The following MEGF11 variants were observed in gnomAD, a reference collection of about 807,000 sequenced individuals.
The protein encoded by MEGF11 is multiple epidermal growth factor-like domains protein 11.
MEGF11 carries 126 observed loss-of-function variants against 146.6 expected under a neutral mutation model. The observed-to-expected ratio is 0.86, with a 90% CI of 0.74 to 1.00. MEGF11 has a LOEUF of 1.00. MEGF11 is among the 50% of genes least tolerant of loss of function. The probability of loss-of-function intolerance (pLI) is 0.00; values close to 1 mark genes in which losing one functional copy is unlikely to be tolerated. For synonymous variants in MEGF11, 532 were observed against 583.4 expected, an observed-to-expected ratio of 0.91 and a Z score of 1.27; for missense variants, 1,509 against 1,521.2, an observed-to-expected ratio of 0.99 and a Z score of 0.13.
At chr15:66,153,434 A>G (rs952795550) in intron 1 of MEGF11, among the ~76,000 whole-genome samples, 1 of 152,122 alleles carries the variant, frequency 6.6e-6, no homozygotes, top group Non-Finnish European at 1.5e-5. Context: ...TTAGCCGGGC[A>G]TGGTGGTGGG....
intron 1 of MEGF11, among the ~76,000 whole-genome samples, chr15:66,200,939 C>T (rs951373033): frequency 6.6e-6 from 1 of 152,056 alleles, no homozygotes; most frequent in Non-Finnish European, 1.5e-5. Context: ...ACCCCTCAGC[C>T]CTCCCCACTG....
intron 5 of MEGF11, among the ~76,000 whole-genome samples, chr15:66,007,896 G>T (rs981951415): frequency 4.6e-5 from 7 of 152,212 alleles, no homozygotes; most frequent in African/African-American, 9.7e-5. Context: ...GTGGGCAAGG[G>T]TTGGGTATTG....
chr15:66,226,329 C>T (rs2091851847), intron 1 of MEGF11, among the ~76,000 whole-genome samples: 1 of 152,056 alleles, frequency 6.6e-6, no homozygotes, highest in Non-Finnish European at 1.5e-5. Flanking sequence ...CTCACTGCAA[C>T]CTCCACCTCC....
rs555361172 is a variant in MEGF11 at position 65,909,109 on chromosome 15, C to G, written c.2923G>C (p.Glu975Gln). Residue 975 changes from glutamate (E) to glutamine (Q), a missense_variant, in exon 23 of 26, where the codon GAG becomes CAG. By Grantham distance (29) the Glu-to-Gln change is conservative. Transcript: ENST00000395614. ...LDSHFQISAL[E>Q]ARYPPEDFYI... ...AAGTCCTCGGGCGGGTACCTGGCCT[C>G]CAGGGCACTGATCTGGAAATGGGAG... 1.6e-4 allele frequency: 244 copies of G among 1,535,606 alleles called. 2 individuals carry two copies. The African/African-American group carries it at 2.9e-3, about 18-fold the overall frequency.
At position 66,168,950 on chromosome 15, in the gene MEGF11, T is replaced by C. The variant is rs1374991872; in HGVS notation, c.-8-40539A>G. 3.3e-5 allele frequency among the ~76,000 whole-genome samples: 5 copies of C among 152,210 alleles called. No homozygotes were observed. The East Asian group carries it at 9.6e-4, about 29-fold the overall frequency. The stretch of plus-strand genomic sequence containing the variant: ...TTGCAGTGAGCCAGGATCGTGCCAT[T>C]GCACTCCAGCCTGGGTGACAGAGTG... On this transcript the variant is annotated intron_variant, in intron 1 of 25. Coordinates refer to ENST00000395614, the MANE Select transcript of MEGF11 (RefSeq NM_001385028.1).
intron 1 of MEGF11, among the ~76,000 whole-genome samples, chr15:66,169,782 G>C (rs1350828080): frequency 6.6e-6 from 1 of 152,208 alleles, no homozygotes; most frequent in Non-Finnish European, 1.5e-5. Flanking sequence ...GAGACGGCCA[G>C]CGCTGCTGGG....
intron 10 of MEGF11, among the ~76,000 whole-genome samples, chr15:65,947,439 A>G (rs2080240627): frequency 6.6e-6 from 1 of 152,180 alleles, no homozygotes; most frequent in African/African-American, 2.4e-5. Flanking sequence ...GTAAAGCTCC[A>G]ATGAAACAAG....
intron 5 of MEGF11, among the ~76,000 whole-genome samples, chr15:66,064,105 C>T (rs2085018336): frequency 6.6e-6 from 1 of 152,176 alleles, no homozygotes. Context: ...CGCAGTGGCT[C>T]ACACCTGTAA....
At chr15:65,914,314 A>T (rs1235213918) in intron 19 of MEGF11, among the ~76,000 whole-genome samples, 4 of 152,206 alleles carry the variant, frequency 2.6e-5, no homozygotes, top group African/African-American at 9.6e-5. Context: ...TGAAAAAACC[A>T]ATTTATCAAA....
intron 4 of MEGF11, among the ~76,000 whole-genome samples, chr15:66,094,920 A>C (rs970011238): frequency 6.6e-6 from 1 of 152,166 alleles, no homozygotes; most frequent in African/African-American, 2.4e-5. Context: ...AAAATGTATC[A>C]GCCTGCCTGA....
In MEGF11 at chr15:66,127,908, T is replaced by C. The variant is rs1029803792; in HGVS notation, c.98+398A>G. Among the ~76,000 whole-genome samples, 12 of 152,132 alleles carry C rather than the reference T, an allele frequency of 7.9e-5. 1 individual carries two copies. The highest frequency in any genetic ancestry group is 2.9e-4 in the African/African-American group (12 of 41,394). On this transcript the variant is annotated intron_variant, in intron 2 of 25. Transcript: ENST00000395614. The stretch of plus-strand genomic sequence containing the variant: ...ATCCAAGCTGCCACGGGGCTGCCAG[T>C]CCTGGGAGACCAGGAAAGGCATCAC...
At chr15:66,205,884 G>A (rs1409929872) in intron 1 of MEGF11, among the ~76,000 whole-genome samples, 1 of 152,126 alleles carries the variant, frequency 6.6e-6, no homozygotes, top group Non-Finnish European at 1.5e-5. Flanking sequence ...AAAATGTCCA[G>A]GTTTCAATAC....
intron 1 of MEGF11, among the ~76,000 whole-genome samples, chr15:66,178,915 A>G (rs992994948): frequency 2.0e-5 from 3 of 152,196 alleles, no homozygotes; most frequent in Non-Finnish European, 4.4e-5. Flanking sequence ...GACAGAGAGG[A>G]ACTTAGCAGG....
chr15:65,999,645 G>GT (rs761559424), intron 5 of MEGF11, among the ~76,000 whole-genome samples: 129 of 152,146 alleles, frequency 8.5e-4, no homozygotes, highest in Non-Finnish European at 1.5e-3. Context: ...CTATAAAATG[G>GT]GGCTCTTGTG....
chr15:65,973,039 C>A (rs561215752), intron 7 of MEGF11, among the ~76,000 whole-genome samples: 2 of 151,830 alleles, frequency 1.3e-5, no homozygotes, highest in African/African-American at 4.8e-5. Context: ...ATCGCTTGAA[C>A]CTGGGAGGTG....
chr15:66,005,416 CT>C (rs2082491392), intron 5 of MEGF11, among the ~76,000 whole-genome samples: 1 of 152,172 alleles, frequency 6.6e-6, no homozygotes, highest in Non-Finnish European at 1.5e-5. Flanking sequence ...TGAAAACATG[CT>C]TGTGAAAACA....
chr15:66,208,023 T>G (rs1194931828), intron 1 of MEGF11, among the ~76,000 whole-genome samples: 1 of 150,634 alleles, frequency 6.6e-6, no homozygotes, highest in Non-Finnish European at 1.5e-5. Flanking sequence ...AGGTGGAGGT[T>G]GCAGTGAGCT....
At chr15:66,003,357 C>G (rs111241092) in intron 5 of MEGF11, among the ~76,000 whole-genome samples, 3,130 of 152,272 alleles carry the variant, frequency 0.021, 122 homozygotes, top group African/African-American at 0.07. Flanking sequence ...ATGTGCTTGT[C>G]TTTTCCCTGC....
intron 5 of MEGF11, among the ~76,000 whole-genome samples, chr15:66,004,268 G>T (rs2082454813): frequency 6.6e-6 from 1 of 152,032 alleles, no homozygotes; most frequent in African/African-American, 2.4e-5. Context: ...TACATGAAGG[G>T]ATTGAAAAAG....
Sources: gnomAD v4.1 joint callset for allele counts (sites outside exome capture counted in the v4.1 genomes callset) on GRCh38, gnomAD v4.1.1 for gene constraint, MANE v1.5 for transcripts, NCBI Gene and HGNC (gene_info 2026-07-23, HGNC 2026-07-21) for gene names.